Variants in ANAPC4 observed in about 807,000 individuals in gnomAD.
ANAPC4 encodes anaphase promoting complex subunit 4, also known as anaphase-promoting complex subunit 4.
A neutral mutation model predicts 119.8 loss-of-function variants in ANAPC4; 63 were observed. The ratio of observed to expected loss-of-function variants is 0.53; its 90% CI spans 0.43 to 0.65. The LOEUF is 0.65. ANAPC4 is among the 30% of genes least tolerant of loss of function. ANAPC4 has a pLI of 0.00. For missense variants in ANAPC4, 716 were observed against 945.1 expected (o/e 0.76, Z 3.18); for synonymous variants, 283 against 318.6 (o/e 0.89, Z 1.19).
chr4:25,382,783 T>A (rs1721810602), intron 3 of ANAPC4, among the ~76,000 whole-genome samples: 1 of 152,188 alleles, frequency 6.6e-6, no homozygotes, highest in African/African-American at 2.4e-5. Context: ...ACTAGAAAAT[T>A]CAGCCACACT....
At chr4:25,383,562 C>A (rs1165007057) in intron 4 of ANAPC4, among the ~76,000 whole-genome samples, 169 bp downstream of exon 4, 1 of 149,626 alleles carries the variant, frequency 6.7e-6, no homozygotes, top group East Asian at 1.9e-4. Context: ...TTTTTTCCTT[C>A]CGATAAACAT....
chr4:25,399,799 G>A (rs1232040274), intron 16 of ANAPC4, among the ~76,000 whole-genome samples: 1 of 152,198 alleles, frequency 6.6e-6, no homozygotes, highest in East Asian at 1.9e-4. Context: ...AAAGCCATGG[G>A]ACTGGATGAG....
intron 7 of ANAPC4, among the ~76,000 whole-genome samples, chr4:25,389,770 T>G (rs1722241054): frequency 6.6e-6 from 1 of 152,248 alleles, no homozygotes; most frequent in East Asian, 1.9e-4. Flanking sequence ...TTCATGTTTT[T>G]TAAGCCCATT....
rs1181660216 is a variant in ANAPC4, at chr4:25,390,169, A to G, written c.549A>G (p.Gly183=). 1 of 1,613,232 alleles carries G rather than the reference A, an allele frequency of 6.2e-7. No individual in the cohort carries two copies. The highest frequency in any genetic ancestry group is 1.7e-5 in the Admixed American group (1 of 59,918). ...LNILVLGGSS[G]FIELYAYGMF... ...TTCTCGTCCTTGGAGGAAGCTCTGG[A>G]TTTATTGAGCTTTATGCTTATGGAA... Residue 183 remains glycine (G), a synonymous_variant, in exon 8 of 29, where the codon GGA becomes GGG. Transcript: ENST00000315368.
At chr4:25,409,847 C>CTT in intron 21 of ANAPC4, 56 bp downstream of exon 21, 1 of 1,232,628 alleles carries the variant, frequency 8.1e-7, no homozygotes, top group Non-Finnish European at 1.2e-6. Flanking sequence ...AAGACTAGGT[C>CTT]TTGAATAGTT....
Position 25,414,340 on chromosome 4 carries a change from C to G in ANAPC4, c.1640C>G (p.Ser547Trp). The change falls in exon 23 of 29, where the codon TCG becomes TGG. Residue 547 changes from serine (S) to tryptophan (W), a missense_variant. By Grantham distance (177) the Ser-to-Trp change is radical. This residue lies in a region of ANAPC4 where 504 missense variants were observed against 615.8 expected (regional missense o/e 0.82). Transcript: ENST00000315368. ...TTTATATAGGATGTAATTGGAAAAT[C>G]GATGAATCAAGCAATCTGTATTCCA... ...LQKPADVIGKSMNQAICIPLY... is the reference protein window; with the variant it reads ...LQKPADVIGKWMNQAICIPLY... The G allele has an allele frequency of 6.3e-7, 1 of 1,591,302 alleles. No homozygotes were observed. The highest frequency in any genetic ancestry group is 8.6e-7 in the Non-Finnish European group (1 of 1,164,070).
At chr4:25,418,013 T>G in intron 28 of ANAPC4, 142 bp from the exon 29 acceptor site, 1 of 925,522 alleles carries the variant, frequency 1.1e-6, no homozygotes, top group Non-Finnish European at 1.6e-6. Flanking sequence ...AAATGAAGGC[T>G]GAATTTATTG....
chr4:25,390,361 C>T (rs10001307), intron 8 of ANAPC4, 141 bp downstream of exon 8: 24,634 of 539,186 alleles, frequency 0.046, 805 homozygotes, highest in South Asian at 0.14. Context: ...GACTAATTTC[C>T]TTACTAAGAT....
chr4:25,383,153 C>T lies in ANAPC4; in HGVS notation c.236-108C>T. On this transcript the variant is annotated intron_variant, in intron 3 of 28. Coordinates refer to ENST00000315368, the MANE Select transcript of ANAPC4 (RefSeq NM_013367.3). Reference sequence around the variant, plus strand: ...GAAGGATGTTTAGGTCAAAAATTGCCATGATGAAGATGCACTTAAAAGAGT... The same window carrying T: ...GAAGGATGTTTAGGTCAAAAATTGCTATGATGAAGATGCACTTAAAAGAGT... 8 of 1,046,820 alleles carry T rather than the reference C, an allele frequency of 7.6e-6. No homozygotes were observed. The South Asian group carries it at 8.5e-5, about 11-fold the overall frequency. 64.8% of individuals were successfully genotyped at this position (1,046,820 alleles called of 1,614,324 possible). A position where few individuals can be genotyped will look rare whatever the true frequency, so the allele number is the denominator to read the frequency against.
intron 2 of ANAPC4, 48 bp downstream of exon 2, chr4:25,377,604 G>A (rs6830160): frequency 1.3e-6 from 2 of 1,525,404 alleles, no homozygotes; most frequent in African/African-American, 2.7e-5. Flanking sequence ...GCTCCCGGGG[G>A]GCCCAAGAAC....
chr4:25,403,122 A>C (rs1043928376), intron 17 of ANAPC4, 96 bp downstream of exon 17: 28 of 967,144 alleles, frequency 2.9e-5, no homozygotes, highest in Non-Finnish European at 4.1e-5. Flanking sequence ...TACAATTTCA[A>C]ATACTTTGAG....
chr4:25,389,446 C>T (rs1013311438), intron 7 of ANAPC4, among the ~76,000 whole-genome samples: 4 of 152,162 alleles, frequency 2.6e-5, no homozygotes, highest in Non-Finnish European at 4.4e-5. Context: ...CGTGAGCCAC[C>T]GCGCCTGGCC....
At chr4:25,388,411 G>C in intron 4 of ANAPC4, 89 bp from the exon 5 acceptor site, 1 of 847,266 alleles carries the variant, frequency 1.2e-6, no homozygotes, top group Non-Finnish European at 2.0e-6. Flanking sequence ...TTGTAAAACT[G>C]GGTATCTTTT....
intron 4 of ANAPC4, among the ~76,000 whole-genome samples, chr4:25,383,692 T>G (rs950795287): frequency 1.3e-5 from 2 of 152,220 alleles, no homozygotes; most frequent in African/African-American, 4.8e-5. Flanking sequence ...AAAAGTTATG[T>G]TTATATTATG....
At chr4:25,408,006 T>C (rs1723356284) in intron 20 of ANAPC4, among the ~76,000 whole-genome samples, 1 of 152,242 alleles carries the variant, frequency 6.6e-6, no homozygotes, top group East Asian at 1.9e-4. Context: ...TTAAGAGTGG[T>C]AACGTTTCAT....
At chr4:25,403,225 C>T (rs1470933628) in intron 17 of ANAPC4, among the ~76,000 whole-genome samples, 199 bp downstream of exon 17, 8 of 151,888 alleles carry the variant, frequency 5.3e-5, no homozygotes, top group Admixed American at 4.6e-4. Context: ...ACCCAGCTCA[C>T]CACAGAAATA....
In ANAPC4 at chr4:25,377,292, G is replaced by A; in HGVS notation, c.-63G>A. 1.6e-6 allele frequency: 2 copies of A among 1,242,730 alleles called. No individual in the cohort carries two copies. Among genetic ancestry groups the A allele is most frequent in the Non-Finnish European group, 2.2e-6 (2 of 922,444 alleles). The allele number at this position is 1,242,730 out of a possible 1,614,324, so 77.0% of individuals were successfully genotyped here. A position where few individuals can be genotyped will look rare whatever the true frequency, so the allele number is the denominator to read the frequency against. ...AGGCTGTGGCGCGCGGCCGGCAGAG[G>A]GAGGGGAGAGGCCACTGGGGCCGTG... On this transcript the variant is annotated 5_prime_UTR_variant, in exon 1 of 29. Transcript: ENST00000315368.
intron 16 of ANAPC4, among the ~76,000 whole-genome samples, chr4:25,400,463 C>T (rs949771086): frequency 6.6e-6 from 1 of 152,116 alleles, no homozygotes; most frequent in Non-Finnish European, 1.5e-5. Flanking sequence ...CATCTGTCAT[C>T]AGCTGAGAGT....
At chr4:25,400,755 G>A (rs1253838875) in intron 16 of ANAPC4, among the ~76,000 whole-genome samples, 1 of 152,182 alleles carries the variant, frequency 6.6e-6, no homozygotes, top group Non-Finnish European at 1.5e-5. Context: ...ACTACTTTAG[G>A]AAGGAAGTGA....
Sources: allele counts gnomAD v4.1 joint callset (sites outside exome capture counted in the v4.1 genomes callset), GRCh38; gene constraint gnomAD v4.1.1; regional missense constraint gnomAD v4.1.1; transcripts MANE v1.5; gene names NCBI Gene and HGNC (gene_info 2026-07-23, HGNC 2026-07-21).